The following NPSR1 variants were observed in gnomAD, a reference collection of about 807,000 sequenced individuals.
NPSR1 encodes the protein neuropeptide S receptor 1, also known as neuropeptide S receptor.
In NPSR1, 48 loss-of-function variants were observed where a neutral mutation model predicts 46.9. That is an observed-to-expected ratio of 1.02 (90% CI 0.81 to 1.30). The LOEUF (loss-of-function observed/expected upper bound fraction) is 1.30. Ranked by LOEUF, NPSR1 falls within the 50% of genes most tolerant of loss-of-function variation. NPSR1 has a pLI of 0.00. For synonymous variants in NPSR1, 176 were observed against 168.1 expected (o/e 1.05, Z -0.36); for missense variants, 450 against 449.5 (o/e 1.00, Z -0.01).
intron 4 of NPSR1, among the ~76,000 whole-genome samples, chr7:34,819,169 A>G (rs925583837): frequency 6.6e-6 from 1 of 152,224 alleles, no homozygotes; most frequent in African/African-American, 2.4e-5. Context: ...CAATCTACCC[A>G]TCTGAAAAGG....
intron 6 of NPSR1, among the ~76,000 whole-genome samples, chr7:34,839,972 A>G (rs942174412): frequency 2.0e-5 from 3 of 152,112 alleles, no homozygotes; most frequent in Non-Finnish European, 4.4e-5. Flanking sequence ...GGAAACAGGA[A>G]TGGGTTTTGT....
chr7:34,745,617 C>T (rs1375589757), intron 2 of NPSR1, among the ~76,000 whole-genome samples: 1 of 152,158 alleles, frequency 6.6e-6, no homozygotes, highest in African/African-American at 2.4e-5. Flanking sequence ...CTCCTAGGCT[C>T]AAGCCATCCT....
intron 3 of NPSR1, among the ~76,000 whole-genome samples, chr7:34,793,372 A>T (rs928734131): frequency 6.6e-6 from 1 of 152,116 alleles, no homozygotes; most frequent in Admixed American, 6.6e-5. Flanking sequence ...ACAAAAAATA[A>T]ACCCAATCCA....
intron 5 of NPSR1, 28 bp downstream of exon 5, chr7:34,827,630 CG>C (rs745318294): frequency 2.5e-4 from 53 of 211,330 alleles, no homozygotes; most frequent in South Asian, 7.6e-4. Context: ...CAGGACCACA[CG>C]GGGGGGTGGG....
chr7:34,702,332 A>G (rs972032327), intron 2 of NPSR1, among the ~76,000 whole-genome samples: 1 of 152,252 alleles, frequency 6.6e-6, no homozygotes, highest in Non-Finnish European at 1.5e-5. Context: ...AGTGAAAAAA[A>G]GCCTGGGAAA....
rs563867889 is a variant in NPSR1, at chr7:34,743,830, T to A, written c.281-34632T>A. Among the ~76,000 whole-genome samples, 14 of 152,312 alleles carry A rather than the reference T, an allele frequency of 9.2e-5. No homozygotes were observed. The East Asian group carries it at 2.3e-3, about 25-fold the overall frequency. ...AAAGTACCAGGCTTGTCTAGTTATA[T>A]TTTTGTTATCATTTTCTAGCTTACT... On this transcript the variant is annotated intron_variant, in intron 2 of 8. Transcript: ENST00000360581.
chr7:34,792,947 G>A (rs1584036956), intron 3 of NPSR1, among the ~76,000 whole-genome samples: 1 of 150,834 alleles, frequency 6.6e-6, no homozygotes. Context: ...CAGCACCTTG[G>A]GAAGCCAAAG....
intron 6 of NPSR1, 28 bp from the exon 7 acceptor site, chr7:34,844,868 T>C (rs1421404069): frequency 2.2e-6 from 3 of 1,388,064 alleles, no homozygotes; most frequent in African/African-American, 1.4e-5. Context: ...GAACACTTCA[T>C]CTTACTATTC....
At chr7:34,840,698 G>A (rs1364349568) in intron 6 of NPSR1, among the ~76,000 whole-genome samples, 1 of 152,196 alleles carries the variant, frequency 6.6e-6, no homozygotes, top group African/African-American at 2.4e-5. Context: ...CTGCTGCCCA[G>A]CCGGAGCCCC....
chr7:34,725,133 ACACACACT>A (rs1486926457), intron 2 of NPSR1, among the ~76,000 whole-genome samples: 1 of 151,858 alleles, frequency 6.6e-6, no homozygotes, highest in African/African-American at 2.4e-5. Context: ...ACAGACACAC[ACACACACT>A]CACACACACA....
intron 8 of NPSR1, among the ~76,000 whole-genome samples, chr7:34,868,420 G>C (rs954840719): frequency 7.2e-5 from 11 of 151,740 alleles, no homozygotes; most frequent in Admixed American, 2.6e-4. Flanking sequence ...CAGCATTCCT[G>C]ACCAAGAAAG....
At chr7:34,663,991 T>C (rs1791606500) in intron 1 of NPSR1, among the ~76,000 whole-genome samples, 1 of 152,234 alleles carries the variant, frequency 6.6e-6, no homozygotes, top group South Asian at 2.1e-4. Context: ...CATTCATGCT[T>C]GACAATGTCA....
chr7:34,765,007 G>A lies in NPSR1; in HGVS notation c.281-13455G>A, dbSNP rs151162108. On this transcript the variant is annotated intron_variant, in intron 2 of 8. Transcript: ENST00000360581. ...AGGCACAGCTGAAAGCAGAGAGTGG[G>A]GCATTAAAACCCTTCAGCGTCTCAG... Among the ~76,000 whole-genome samples the A allele has an allele frequency of 3.2e-4, 48 of 152,184 alleles. No individual in the cohort carries two copies. In the East Asian group the frequency reaches 6.0e-3, roughly 19 times the overall value.
At chr7:34,842,130 C>T (rs1296705197) in intron 6 of NPSR1, among the ~76,000 whole-genome samples, 1 of 152,166 alleles carries the variant, frequency 6.6e-6, no homozygotes, top group African/African-American at 2.4e-5. Flanking sequence ...GGGCTTGGTT[C>T]CTTGAATATA....
chr7:34,690,902 G>C (rs1269654266), intron 2 of NPSR1, among the ~76,000 whole-genome samples: 1 of 152,100 alleles, frequency 6.6e-6, no homozygotes, highest in Non-Finnish European at 1.5e-5. Flanking sequence ...ATCGTGAGAA[G>C]AACATCACCA....
At chr7:34,669,896 CGA>C (rs1562639714) in intron 1 of NPSR1, among the ~76,000 whole-genome samples, 1 of 152,074 alleles carries the variant, frequency 6.6e-6, no homozygotes, top group African/African-American at 2.4e-5. Flanking sequence ...CGTGAAAAAA[CGA>C]GAGTGTTTTA....
At chr7:34,662,184 T>C (rs1005605027) in intron 1 of NPSR1, among the ~76,000 whole-genome samples, 2 of 152,190 alleles carry the variant, frequency 1.3e-5, no homozygotes. Flanking sequence ...AAATATCACC[T>C]AATAACAATC....
At chr7:34,666,119 G>A (rs896557576) in intron 1 of NPSR1, among the ~76,000 whole-genome samples, 2 of 152,172 alleles carry the variant, frequency 1.3e-5, no homozygotes, top group Admixed American at 6.5e-5. Flanking sequence ...ATTTATAGGT[G>A]TCATAATTTG....
At chr7:34,746,940 C>T (rs867473035) in intron 2 of NPSR1, among the ~76,000 whole-genome samples, 4 of 151,942 alleles carry the variant, frequency 2.6e-5, no homozygotes, top group Non-Finnish European at 5.9e-5. Flanking sequence ...TTCTGGCCAA[C>T]GTGGTGAAAC....
Sources: allele counts gnomAD v4.1 joint callset (sites outside exome capture counted in the v4.1 genomes callset), GRCh38; gene constraint gnomAD v4.1.1; transcripts MANE v1.5; gene names NCBI Gene and HGNC (gene_info 2026-07-23, HGNC 2026-07-21).